Variants in SH3BGRL2 observed in about 807,000 individuals in gnomAD.
SH3BGRL2 encodes the protein SH3 domain binding glutamate rich protein like 2, also known as SH3 domain-binding glutamic acid-rich-like protein 2.
A neutral mutation model predicts 14.8 loss-of-function variants in SH3BGRL2; 21 were observed. The observed-to-expected ratio is 1.42, with a 90% CI of 1.01 to 2.05. The LOEUF is 2.05. Ranked by LOEUF, SH3BGRL2 falls within the 30% of genes most tolerant of loss-of-function variation. The pLI is 0.00. For synonymous variants in SH3BGRL2, 50 were observed against 47.8 expected (o/e 1.05, Z -0.19); for missense variants, 147 against 130.8 (o/e 1.12, Z -0.61).
the SH3BGRL2 span, among the ~76,000 whole-genome samples, chr6:79,563,233 T>C: frequency 6.6e-6 from 1 of 151,374 alleles, no homozygotes; most frequent in African/African-American, 2.4e-5. Flanking sequence ...CGCCTCGGCC[T>C]CCCAAAGTGC....
the SH3BGRL2 span, among the ~76,000 whole-genome samples, chr6:79,623,858 T>C: frequency 1.3e-5 from 2 of 152,310 alleles, no homozygotes; most frequent in South Asian, 4.1e-4. Flanking sequence ...TAATAACACT[T>C]TATGTTTTGT....
At chr6:79,661,317 T>G (rs953352017) in intron 1 of SH3BGRL2, among the ~76,000 whole-genome samples, 2 of 152,224 alleles carry the variant, frequency 1.3e-5, no homozygotes, top group Non-Finnish European at 2.9e-5. Flanking sequence ...TCCCATAGAT[T>G]CTGGTATGTT....
the SH3BGRL2 span, among the ~76,000 whole-genome samples, chr6:79,589,299 G>T: frequency 6.6e-6 from 1 of 150,724 alleles, no homozygotes; most frequent in Admixed American, 6.6e-5. Flanking sequence ...AACAGAAAGA[G>T]AAACTATAAA....
the SH3BGRL2 span, among the ~76,000 whole-genome samples, chr6:79,555,430 A>G: frequency 2.0e-5 from 3 of 152,192 alleles, no homozygotes; most frequent in African/African-American, 4.8e-5. Flanking sequence ...AGCCTAGGTG[A>G]CAGAGCAAGA....
chr6:79,548,482 A>G, the SH3BGRL2 span, among the ~76,000 whole-genome samples: 6 of 152,150 alleles, frequency 3.9e-5, no homozygotes, highest in Non-Finnish European at 8.8e-5. Context: ...AGTTTTGATT[A>G]TGTGTGTTTA....
At chr6:79,566,919 G>C in the SH3BGRL2 span, among the ~76,000 whole-genome samples, 3 of 147,624 alleles carry the variant, frequency 2.0e-5, no homozygotes, top group Admixed American at 6.8e-5. Flanking sequence ...AAAAAAGAAA[G>C]AAACAAATTG....
At chr6:79,691,262 G>T (rs1283932316) in intron 2 of SH3BGRL2, among the ~76,000 whole-genome samples, 1 of 152,170 alleles carries the variant, frequency 6.6e-6, no homozygotes, top group Non-Finnish European at 1.5e-5. Flanking sequence ...CTTACAAGGA[G>T]TGGGAAGTCT....
chr6:79,574,997 A>T, the SH3BGRL2 span: 2 of 152,222 alleles, frequency 1.3e-5, no homozygotes, highest in African/African-American at 4.8e-5. Flanking sequence ...CCAAAAATCA[A>T]AATGAAAGCT....
chr6:79,578,179 T>C, the SH3BGRL2 span, among the ~76,000 whole-genome samples: 1 of 152,244 alleles, frequency 6.6e-6, no homozygotes, highest in Non-Finnish European at 1.5e-5. Context: ...AGACTGCACC[T>C]CTGTGGGCAG....
Position 79,631,484 on chromosome 6 carries a change from C to T in SH3BGRL2, c.23C>T (p.Ala8Val). Residue 8 changes from alanine (A) to valine (V), a missense_variant, in exon 1 of 4, where the codon GCC becomes GTC. Physicochemically the swap from Ala to Val is moderately conservative, Grantham distance 64 (BLOSUM62 0). Transcript: ENST00000369838. Reference protein sequence around the residue: MVIRVFIASSSGFVAIKK... With the variant: MVIRVFIVSSSGFVAIKK... ...AGGATGGTCATCCGCGTGTTCATCG[C>T]CTCTTCCTCGGGCTTCGTGGCGGTG... 6.7e-7 allele frequency: 1 copy of T among 1,500,122 alleles called. No homozygotes were observed. The highest frequency in any genetic ancestry group is 1.4e-5 in the African/African-American group (1 of 69,594). The allele number at this position is 1,500,122 out of a possible 1,614,324, so 92.9% of individuals were successfully genotyped here. A position where few individuals can be genotyped will look rare whatever the true frequency, so the allele number is the denominator to read the frequency against.
At chr6:79,682,155 A>G (rs1254678949) in intron 2 of SH3BGRL2, among the ~76,000 whole-genome samples, 4 of 152,200 alleles carry the variant, frequency 2.6e-5, no homozygotes, top group Non-Finnish European at 4.4e-5. Flanking sequence ...TATTTTTATT[A>G]GTGCTCATTT....
intron 1 of SH3BGRL2, among the ~76,000 whole-genome samples, chr6:79,666,321 G>A (rs1769658788): frequency 6.6e-6 from 1 of 152,174 alleles, no homozygotes; most frequent in Non-Finnish European, 1.5e-5. Context: ...CCTTAGCATT[G>A]TAATCTGTCG....
intron 1 of SH3BGRL2, among the ~76,000 whole-genome samples, chr6:79,648,279 T>A (rs12200285): frequency 0.01 from 1,225 of 117,086 alleles, 32 homozygotes; most frequent in African/African-American, 0.034. Flanking sequence ...TATATATATA[T>A]ATATTTGACA....
chr6:79,562,190 C>A, the SH3BGRL2 span, among the ~76,000 whole-genome samples: 1 of 152,198 alleles, frequency 6.6e-6, no homozygotes, highest in South Asian at 2.1e-4. Flanking sequence ...GAAATACTCT[C>A]AAAAGCAAGG....
chr6:79,622,584 G>A, the SH3BGRL2 span, among the ~76,000 whole-genome samples: 1 of 152,102 alleles, frequency 6.6e-6, no homozygotes, highest in Non-Finnish European at 1.5e-5. Flanking sequence ...CTAGCTAAAA[G>A]TGTTTCACCC....
the SH3BGRL2 span, among the ~76,000 whole-genome samples, chr6:79,610,040 C>T: frequency 6.6e-6 from 1 of 152,158 alleles, no homozygotes; most frequent in Non-Finnish European, 1.5e-5. Context: ...GAGATAATGC[C>T]TGCTTTTCCA....
At chr6:79,673,904 C>A in intron 2 of SH3BGRL2, 105 bp downstream of exon 2, 1 of 1,160,640 alleles carries the variant, frequency 8.6e-7, no homozygotes, top group Non-Finnish European at 1.2e-6. Context: ...CTTCTTCACC[C>A]AATGCCCATT....
the SH3BGRL2 span, among the ~76,000 whole-genome samples, chr6:79,549,570 C>T: frequency 6.6e-6 from 1 of 152,122 alleles, no homozygotes; most frequent in East Asian, 1.9e-4. Context: ...AGTATAGTAA[C>T]ATGCTGTACA....
intron 1 of SH3BGRL2, among the ~76,000 whole-genome samples, chr6:79,654,551 C>T (rs974052850): frequency 1.3e-5 from 2 of 152,168 alleles, no homozygotes; most frequent in Non-Finnish European, 1.5e-5. Flanking sequence ...CCATCTCGAT[C>T]ACGATTTTGT....
Sources: gnomAD v4.1 joint callset for allele counts (sites outside exome capture counted in the v4.1 genomes callset) on GRCh38, gnomAD v4.1.1 for gene constraint, MANE v1.5 for transcripts, NCBI Gene and HGNC (gene_info 2026-07-23, HGNC 2026-07-21) for gene names.